TRAPPC9: variants seen among roughly 807,000 people sequenced by gnomAD.
TRAPPC9 encodes the protein trafficking protein particle complex subunit 9.
Under a neutral mutation model 124.0 loss-of-function variants are expected in TRAPPC9, and 83 were observed. The ratio of observed to expected loss-of-function variants is 0.67; its 90% CI spans 0.56 to 0.80. The LOEUF (loss-of-function observed/expected upper bound fraction) is 0.80. TRAPPC9 is among the 30% of genes least tolerant of loss of function. The probability of loss-of-function intolerance (pLI) is 0.00; values close to 1 mark genes in which losing one functional copy is unlikely to be tolerated. For missense variants in TRAPPC9, 1,302 were observed against 1,508.3 expected (o/e 0.86, Z 2.27); for synonymous variants, 638 against 617.5 (o/e 1.03, Z -0.49).
At chr8:140,010,918 A>T (rs1839073529) in intron 18 of TRAPPC9, among the ~76,000 whole-genome samples, 1 of 152,242 alleles carries the variant, frequency 6.6e-6, no homozygotes, top group Non-Finnish European at 1.5e-5. Context: ...TGGGGTATCT[A>T]TCGGACAGAA....
At chr8:140,160,740 C>T (rs181588554) in intron 17 of TRAPPC9, among the ~76,000 whole-genome samples, 16 of 152,020 alleles carry the variant, frequency 1.1e-4, no homozygotes, top group African/African-American at 3.6e-4. Context: ...CACATGTATA[C>T]CTATGTAAGA....
At chr8:139,855,309 T>G (rs1217681782) in intron 21 of TRAPPC9, among the ~76,000 whole-genome samples, 1 of 152,174 alleles carries the variant, frequency 6.6e-6, no homozygotes, top group Non-Finnish European at 1.5e-5. Context: ...ACCTCCTGTT[T>G]AGAATCCCAC....
At chr8:140,226,470 T>C (rs539979757) in intron 16 of TRAPPC9, among the ~76,000 whole-genome samples, 2 of 151,692 alleles carry the variant, frequency 1.3e-5, no homozygotes, top group South Asian at 4.2e-4. Context: ...TGCATGCCTA[T>C]AGTCCCAGCT....
At chr8:140,233,900 C>T (rs1393204250) in intron 16 of TRAPPC9, among the ~76,000 whole-genome samples, 1 of 152,106 alleles carries the variant, frequency 6.6e-6, no homozygotes, top group African/African-American at 2.4e-5. Context: ...ATACTCACAG[C>T]ATCACATATT....
At chr8:139,990,543 C>T (rs1347109199) in intron 18 of TRAPPC9, among the ~76,000 whole-genome samples, 7 of 151,908 alleles carry the variant, frequency 4.6e-5, no homozygotes, top group African/African-American at 9.7e-5. Context: ...AGAACGTGGG[C>T]GTGTGACCTG....
At chr8:140,318,263 T>C (rs942882729) in intron 9 of TRAPPC9, among the ~76,000 whole-genome samples, 3 of 152,260 alleles carry the variant, frequency 2.0e-5, no homozygotes, top group African/African-American at 7.2e-5. Flanking sequence ...TTTGACAAAT[T>C]ATCATTGCAT....
chr8:139,771,380 C>T (rs1485834798), intron 21 of TRAPPC9, among the ~76,000 whole-genome samples: 11 of 152,156 alleles, frequency 7.2e-5, no homozygotes, highest in East Asian at 1.9e-4. Context: ...CTGCCCAGGA[C>T]GCCGGATCCC....
At chr8:140,435,339 T>A in intron 3 of TRAPPC9, 99 bp from the exon 4 acceptor site, 2 of 1,372,512 alleles carry the variant, frequency 1.5e-6, no homozygotes, top group Non-Finnish European at 2.0e-6. Context: ...CAAACTGCAG[T>A]AACTAACAAT....
At chr8:140,374,726 C>T (rs560340484) in intron 7 of TRAPPC9, among the ~76,000 whole-genome samples, 6 of 152,084 alleles carry the variant, frequency 3.9e-5, no homozygotes, top group East Asian at 1.9e-4. Flanking sequence ...GCAGAGAAGA[C>T]GAATACTGAT....
chr8:140,114,893 GGA>G (rs2060850554), intron 17 of TRAPPC9, among the ~76,000 whole-genome samples: 1 of 152,176 alleles, frequency 6.6e-6, no homozygotes. Flanking sequence ...CAATATCCAC[GGA>G]ATAATACATT....
At chr8:140,328,284 A>T (rs1200352998) in intron 9 of TRAPPC9, among the ~76,000 whole-genome samples, 1 of 152,158 alleles carries the variant, frequency 6.6e-6, no homozygotes, top group Non-Finnish European at 1.5e-5. Context: ...TAATTAATTA[A>T]TAACAATAAT....
chr8:139,731,298 T>C (rs2129924931), intron 22 of TRAPPC9, 70 bp from the exon 23 acceptor site: 6 of 1,569,656 alleles, frequency 3.8e-6, no homozygotes, highest in Non-Finnish European at 5.2e-6. Context: ...CCAGGAATCC[T>C]GGGAATCTGC....
Position 140,063,693 on chromosome 8 carries a change from C to A in TRAPPC9, c.2557-39614G>T, listed in dbSNP as rs2129656704. ...AGAATTATTTCGGCAGGATGCTGAA[C>A]TAATACTAACTAGAAATATTTCTGC... On this transcript the variant is annotated intron_variant, in intron 17 of 22. Coordinates refer to ENST00000438773, the MANE Select transcript of TRAPPC9 (RefSeq NM_001160372.4). This position sits in a 1 kb window ranked among gnomAD's most constrained non-coding sequence, Gnocchi z 4.3. Among the ~76,000 whole-genome samples the A allele has an allele frequency of 6.6e-6, 1 of 152,308 alleles. No individual in the cohort carries two copies. Among genetic ancestry groups the A allele is most frequent in the East Asian group, 1.9e-4 (1 of 5,192 alleles).
chr8:140,321,142 G>A (rs1350175680), intron 9 of TRAPPC9, among the ~76,000 whole-genome samples: 1 of 152,244 alleles, frequency 6.6e-6, no homozygotes, highest in Non-Finnish European at 1.5e-5. Flanking sequence ...CGGGAGTGGT[G>A]CAGATTCTCA....
At chr8:140,012,628 G>A (rs555220387) in intron 18 of TRAPPC9, among the ~76,000 whole-genome samples, 2 of 152,232 alleles carry the variant, frequency 1.3e-5, no homozygotes, top group Non-Finnish European at 1.5e-5. Flanking sequence ...TCCACCTCTC[G>A]GCCCTCCTGC....
At chr8:139,818,682 T>C (rs968111334) in intron 21 of TRAPPC9, among the ~76,000 whole-genome samples, 8 of 152,210 alleles carry the variant, frequency 5.3e-5, no homozygotes, top group African/African-American at 1.9e-4. Flanking sequence ...TTTGCCAATT[T>C]CTAGGGTGTA....
chr8:139,929,504 G>C (rs774147603), intron 19 of TRAPPC9, among the ~76,000 whole-genome samples: 1 of 151,250 alleles, frequency 6.6e-6, no homozygotes, highest in Non-Finnish European at 1.5e-5. Flanking sequence ...GGAAGGCCGA[G>C]GTGGGCGGAT....
At chr8:139,886,501 G>A (rs966951450) in intron 20 of TRAPPC9, among the ~76,000 whole-genome samples, 1 of 152,126 alleles carries the variant, frequency 6.6e-6, no homozygotes, top group Non-Finnish European at 1.5e-5. Context: ...GAAGAAATTA[G>A]GTTTAAAAAT....
At chr8:140,042,654 C>T (rs1423729900) in intron 17 of TRAPPC9, among the ~76,000 whole-genome samples, 1 of 152,190 alleles carries the variant, frequency 6.6e-6, no homozygotes, top group African/African-American at 2.4e-5. Flanking sequence ...TGTCCGGGAC[C>T]GCCTGGGCCC....
Sources: allele counts gnomAD v4.1 joint callset (sites outside exome capture counted in the v4.1 genomes callset), GRCh38; gene constraint gnomAD v4.1.1; non-coding constraint Gnocchi (gnomAD v3.1); transcripts MANE v1.5; gene names NCBI Gene and HGNC (gene_info 2026-07-23, HGNC 2026-07-21).